Variants in GATA2 observed in about 807,000 individuals in gnomAD.
GATA2 encodes the protein GATA binding protein 2.
Under a neutral mutation model 35.7 loss-of-function variants are expected in GATA2, and 6 were observed. The ratio of observed to expected loss-of-function variants is 0.17; its 90% CI spans 0.09 to 0.33. GATA2 has a LOEUF of 0.33. Ranked by LOEUF, GATA2 falls within the 10% of genes least tolerant of loss-of-function variation. The pLI is 1.00. For missense variants in GATA2, 541 were observed against 656.6 expected, an observed-to-expected ratio of 0.82 and a Z score of 1.92; for synonymous variants, 313 against 274.9, an observed-to-expected ratio of 1.14 and a Z score of -1.37.
chr3:128,485,915 G>A lies in GATA2; in HGVS notation c.683C>T (p.Pro228Leu). The A allele has an allele frequency of 6.2e-7, 1 of 1,614,126 alleles. No homozygotes were observed. The highest frequency in any genetic ancestry group is 8.5e-7 in the Non-Finnish European group (1 of 1,180,012). Residue 228 changes from proline (P) to leucine (L), a missense_variant, in exon 3 of 6, where the codon CCC (proline) becomes CTC (leucine). This residue lies in a region of GATA2 where 389 missense variants were observed against 396.9 expected (regional missense o/e 0.98). Transcript: ENST00000341105. ...TESMKMESGS[P>L]LRPGLATMGT... ...CATAGTAGCTAGGCCTGGGCGCAGGGGACTGCCACTTTCCATCTTCATGCT... is the reference window on the plus strand; with the variant it reads ...CATAGTAGCTAGGCCTGGGCGCAGGAGACTGCCACTTTCCATCTTCATGCT...
In GATA2 at chr3:128,479,517, T is replaced by G. The variant is rs934751542; in HGVS notation, c.*1502A>C. 8.6e-6 allele frequency: 2 copies of G among 233,282 alleles called. No individual in the cohort carries two copies. The highest frequency in any genetic ancestry group is 5.6e-5 in the Admixed American group (1 of 17,784). The allele number at this position is 233,282 out of a possible 1,614,324, so 14.5% of individuals were successfully genotyped here. ...TTTTTTACAGACAATATATAAATGTTGTACATAATTAACAATAACTTAGTT... is the reference window on the plus strand; with the variant it reads ...TTTTTTACAGACAATATATAAATGTGGTACATAATTAACAATAACTTAGTT... On this transcript the variant is annotated 3_prime_UTR_variant, in exon 6 of 6. Transcript: ENST00000341105.
In GATA2 at chr3:128,480,898, G is replaced by A. The variant is rs1277643432; in HGVS notation, c.*121C>T. On this transcript the variant is annotated 3_prime_UTR_variant, in exon 6 of 6. Transcript: ENST00000341105. ...GCAGGCTGCTGGGCGCCCTCCAGGA[G>A]AGGGGGTGCTGGGCCGAGCCGGGCT... 3 of 1,158,224 alleles carry A rather than the reference G, an allele frequency of 2.6e-6. No individual in the cohort carries two copies. Among genetic ancestry groups the A allele is most frequent in the Non-Finnish European group, 3.6e-6 (3 of 835,532 alleles). 71.7% of individuals were successfully genotyped at this position (1,158,224 alleles called of 1,614,324 possible).
Position 128,481,313 on chromosome 3 carries a change from G to A in GATA2, c.1149C>T (p.Asn383=), listed in dbSNP as rs1355223086. The A allele has an allele frequency of 1.2e-6, 2 of 1,612,668 alleles. No individual in the cohort carries two copies. The highest frequency in any genetic ancestry group is 1.1e-5 in the South Asian group (1 of 91,088). ...CTTCCTTCTTCATGGTCAGTGGCCT[G>A]TTAACCTAGAGGCAACCACCAGTTT... The part of the protein sequence containing the change: ...CGLYYKLHNV[N]RPLTMKKEGI... The change falls in exon 6 of 6, where the codon AAC becomes AAT. Residue 383 remains asparagine, a synonymous_variant. Transcript: ENST00000341105.
intron 3 of GATA2, 86 bp downstream of exon 3, chr3:128,485,641 A>T: frequency 6.7e-7 from 1 of 1,501,668 alleles, no homozygotes; most frequent in Non-Finnish European, 9.0e-7. Flanking sequence ...GGAAACCAAC[A>T]CTGCCACCTC....
chr3:128,488,947 A>T lies in GATA2; in HGVS notation c.-45-1871T>A, dbSNP rs117400123. 0.015 allele frequency among the ~76,000 whole-genome samples: 2,212 copies of T among 152,108 alleles called. 30 individuals are homozygous for T. Among genetic ancestry groups the T allele is most frequent in the East Asian group, 0.045 (232 of 5,124 alleles). The stretch of plus-strand genomic sequence containing the variant: ...CAAAGGCATTTTGGGGGACCTAGAC[A>T]GGTGCCGAGTACTGGGGGGACTCAA... On this transcript the variant is annotated intron_variant, in intron 1 of 5. Transcript: ENST00000341105. This position sits in a 1 kb window ranked among gnomAD's most constrained non-coding sequence, Gnocchi z 5.8.
chr3:128,483,483 C>A (rs571357409), intron 4 of GATA2, among the ~76,000 whole-genome samples: 1 of 152,044 alleles, frequency 6.6e-6, no homozygotes, highest in Non-Finnish European at 1.5e-5. Flanking sequence ...TAAATAAGCA[C>A]GAGGAGCTTG....
Position 128,486,021 on chromosome 3 carries a change from G to C in GATA2, c.577C>G (p.Pro193Ala). ...PDPSTTGAASPASSSAGGSAA... is the reference protein window; with the variant it reads ...PDPSTTGAASAASSSAGGSAA... ...CTACCCCCCGCGGAAGATGAGGCTG[G>C]AGACGCAGCCCCCGTGGTGCTAGGG... Residue 193 changes from proline to alanine, a missense_variant, in exon 3 of 6, where the codon CCA becomes GCA. Pro to Ala is a conservative substitution (Grantham distance 27, BLOSUM62 -1). This residue lies in a region of GATA2 where 389 missense variants were observed against 396.9 expected (regional missense o/e 0.98). Coordinates refer to ENST00000341105, the MANE Select transcript of GATA2 (RefSeq NM_032638.5). 6.2e-7 allele frequency: 1 copy of C among 1,614,184 alleles called. No homozygotes were observed. The highest frequency in any genetic ancestry group is 2.2e-5 in the East Asian group (1 of 44,878).
At chr3:128,487,645 C>G (rs1170590501) in intron 1 of GATA2, 1 of 153,214 alleles carries the variant, frequency 6.5e-6, no homozygotes, top group African/African-American at 2.4e-5. Context: ...CCCTAAGTCC[C>G]CCCAGAGTCC....
At chr3:128,481,971 G>C (rs773374917) in intron 4 of GATA2, 27 bp from the exon 5 acceptor site, 6 of 1,611,092 alleles carry the variant, frequency 3.7e-6, no homozygotes, top group Non-Finnish European at 4.2e-6. Context: ...GCGTCAGCAG[G>C]CTGGACTCCC....
intron 1 of GATA2, among the ~76,000 whole-genome samples, chr3:128,487,510 G>T (rs1474779811): frequency 6.6e-6 from 1 of 152,158 alleles, no homozygotes; most frequent in East Asian, 1.9e-4. Flanking sequence ...CTTGGCGCCA[G>T]ATACACATAC....
At chr3:128,491,482 C>G (rs2068767019) in intron 1 of GATA2, among the ~76,000 whole-genome samples, 1 of 152,134 alleles carries the variant, frequency 6.6e-6, no homozygotes, top group Non-Finnish European at 1.5e-5. Flanking sequence ...AAGTGGGGTG[C>G]CTTAGCAGAT....
intron 3 of GATA2, among the ~76,000 whole-genome samples, chr3:128,484,931 T>C (rs1201572679): frequency 6.6e-6 from 1 of 152,184 alleles, no homozygotes; most frequent in Non-Finnish European, 1.5e-5. Context: ...CAGGAGTAAC[T>C]GTTTTAAAAA....
rs556319575 is a variant in GATA2, at chr3:128,485,330, G to C, written c.871+397C>G. Among the ~76,000 whole-genome samples the C allele has an allele frequency of 2.0e-5, 3 of 152,258 alleles. No individual in the cohort carries two copies. The South Asian group carries it at 6.2e-4, about 32-fold the overall frequency. ...ACACACAACATGCACACAGACACAC[G>C]TATACACATGCACACACGCTCCCAA... On this transcript the variant is annotated intron_variant, in intron 3 of 5. Coordinates refer to ENST00000341105, the MANE Select transcript of GATA2 (RefSeq NM_032638.5).
Position 128,481,334 on chromosome 3 carries a change from A to G in GATA2, c.1144-16T>C. 6.2e-7 allele frequency: 1 copy of G among 1,609,698 alleles called. No individual in the cohort carries two copies. The highest frequency in any genetic ancestry group is 8.5e-7 in the Non-Finnish European group (1 of 1,179,932). On this transcript the variant is annotated splice_polypyrimidine_tract_variant and intron_variant, in intron 5 of 5. Coordinates refer to ENST00000341105, the MANE Select transcript of GATA2 (RefSeq NM_032638.5). ...GCCTGTTAACCTAGAGGCAACCACC[A>G]GTTTTCAGAGGGCCAGTTCCTTCCT...
chr3:128,479,613 C>T lies in GATA2; in HGVS notation c.*1406G>A, dbSNP rs981717592. 13 of 233,260 alleles carry T rather than the reference C, an allele frequency of 5.6e-5. No homozygotes were observed. Among genetic ancestry groups the T allele is most frequent in the South Asian group, 1.8e-4 (1 of 5,524 alleles). 14.4% of individuals were successfully genotyped at this position (233,260 alleles called of 1,614,324 possible). A position where few individuals can be genotyped will look rare whatever the true frequency, so the allele number is the denominator to read the frequency against. ...AATACTGCCGATTCTTTTTCTTATG[C>T]GGACACTAGTACAAAATAAGTTACT... is the stretch of plus-strand genomic sequence containing the variant. On this transcript the variant is annotated 3_prime_UTR_variant, in exon 6 of 6. Coordinates refer to ENST00000341105, the MANE Select transcript of GATA2 (RefSeq NM_032638.5).
rs535278189 is a variant in GATA2 at position 128,479,775 on chromosome 3, C to T, written c.*1244G>A. On this transcript the variant is annotated 3_prime_UTR_variant, in exon 6 of 6. Transcript: ENST00000341105. ...CGTCACCGCATACAGAATCTAAGCT[C>T]GGGACACGTTTATATACAGCTGTAC... 5 of 233,644 alleles carry T rather than the reference C, an allele frequency of 2.1e-5. No homozygotes were observed. Among genetic ancestry groups the T allele is most frequent in the South Asian group, 1.8e-4 (1 of 5,526 alleles). The allele number at this position is 233,644 out of a possible 1,614,324, so 14.5% of individuals were successfully genotyped here.
chr3:128,483,105 G>GA (rs898581825), intron 4 of GATA2, among the ~76,000 whole-genome samples: 7 of 152,256 alleles, frequency 4.6e-5, no homozygotes, highest in Middle Eastern at 3.4e-3. Context: ...CGCTCCAGGG[G>GA]AAAAAAAGGC....
At chr3:128,483,542 G>A (rs1366799223) in intron 4 of GATA2, among the ~76,000 whole-genome samples, 3 of 152,152 alleles carry the variant, frequency 2.0e-5, no homozygotes, top group African/African-American at 4.8e-5. Flanking sequence ...AGTACTTCAT[G>A]GCCCTATTTT....
At chr3:128,481,381 C>T (rs1011912410) in intron 5 of GATA2, 63 bp from the exon 6 acceptor site, 63 of 1,568,912 alleles carry the variant, frequency 4.0e-5, no homozygotes, top group Admixed American at 1.0e-4. Context: ...CCTCCCACCC[C>T]GCCACAGCGT....
Sources: gnomAD v4.1 joint callset for allele counts (sites outside exome capture counted in the v4.1 genomes callset) on GRCh38, gnomAD v4.1.1 for gene constraint, gnomAD v4.1.1 regional missense constraint, Gnocchi (gnomAD v3.1) non-coding constraint, MANE v1.5 for transcripts, NCBI Gene and HGNC (gene_info 2026-07-23, HGNC 2026-07-21) for gene names.